The following GFOD1 variants were observed in gnomAD, a reference collection of about 807,000 sequenced individuals.
GFOD1 encodes the protein glucose-fructose oxidoreductase domain-containing protein 1.
GFOD1 carries 9 observed loss-of-function variants against 25.4 expected under a neutral mutation model. That is an observed-to-expected ratio of 0.35 (90% CI 0.21 to 0.62). The LOEUF is 0.62. Ranked by LOEUF, GFOD1 falls within the 20% of genes least tolerant of loss-of-function variation. The probability of loss-of-function intolerance (pLI) is 0.72; values close to 1 mark genes in which losing one functional copy is unlikely to be tolerated. For synonymous variants in GFOD1, 253 were observed against 245.6 expected (o/e 1.03, Z -0.28); for missense variants, 403 against 556.9 (o/e 0.72, Z 2.78).
At chr6:13,466,620 G>A (rs1009588637) in intron 1 of GFOD1, among the ~76,000 whole-genome samples, 15 of 152,324 alleles carry the variant, frequency 9.8e-5, no homozygotes, top group African/African-American at 3.4e-4. Context: ...AGTTGCTTGG[G>A]ATGGATAATA....
intron 1 of GFOD1, among the ~76,000 whole-genome samples, chr6:13,377,017 T>C (rs955674009): frequency 6.7e-6 from 1 of 148,390 alleles, no homozygotes; most frequent in African/African-American, 2.6e-5. Flanking sequence ...CCAGCAGATA[T>C]GTTTTTTTTT....
chr6:13,379,538 A>T (rs1785318097), intron 1 of GFOD1, among the ~76,000 whole-genome samples: 1 of 152,112 alleles, frequency 6.6e-6, no homozygotes, highest in Non-Finnish European at 1.5e-5. Flanking sequence ...CACCACTGCA[A>T]GCAACCGACT....
In GFOD1 at chr6:13,360,997, T is replaced by G. The variant is rs937698348; in HGVS notation, c.*3746A>C. ...CTCTTACTGCCTCCATTTTCTCATG[T>G]GTATAAAAGAAATAGCAATACCCAA... is the stretch of plus-strand genomic sequence containing the variant. On this transcript the variant is annotated 3_prime_UTR_variant, in exon 2 of 2. Transcript: ENST00000379287. 4 of 384,452 alleles carry G rather than the reference T, an allele frequency of 1.0e-5. No homozygotes were observed. Among genetic ancestry groups the G allele is most frequent in the African/African-American group, 6.3e-5 (3 of 47,800 alleles). 23.8% of individuals were successfully genotyped at this position (384,452 alleles called of 1,614,324 possible).
intron 1 of GFOD1, among the ~76,000 whole-genome samples, chr6:13,415,641 C>A (rs1786151274): frequency 1.3e-5 from 2 of 152,194 alleles, no homozygotes; most frequent in South Asian, 2.1e-4. Context: ...TGACAGCAGA[C>A]CTTCTATGTG....
chr6:13,379,480 G>A (rs568193922), intron 1 of GFOD1, among the ~76,000 whole-genome samples: 1 of 152,248 alleles, frequency 6.6e-6, no homozygotes, highest in Non-Finnish European at 1.5e-5. Flanking sequence ...TAGTTTCTAG[G>A]GCTGTGATGC....
At chr6:13,427,883 G>A (rs1051980688) in intron 1 of GFOD1, among the ~76,000 whole-genome samples, 1 of 152,136 alleles carries the variant, frequency 6.6e-6, no homozygotes, top group African/African-American at 2.4e-5. Flanking sequence ...ACACCAGGCT[G>A]AGCCTCGTGA....
At chr6:13,379,024 A>G (rs1785308909) in intron 1 of GFOD1, among the ~76,000 whole-genome samples, 1 of 152,168 alleles carries the variant, frequency 6.6e-6, no homozygotes, top group East Asian at 1.9e-4. Flanking sequence ...CCAGGGCTCC[A>G]CCCACAGCAG....
chr6:13,434,308 G>T (rs1039842272), intron 1 of GFOD1, among the ~76,000 whole-genome samples: 1 of 149,300 alleles, frequency 6.7e-6, no homozygotes, highest in African/African-American at 2.5e-5. Flanking sequence ...TGGGAACACA[G>T]AAATCAAGTG....
intron 1 of GFOD1, among the ~76,000 whole-genome samples, chr6:13,441,634 A>G (rs374751361): frequency 2.6e-5 from 4 of 152,216 alleles, no homozygotes; most frequent in Non-Finnish European, 5.9e-5. Context: ...TATTGAGTAT[A>G]TTGTATTGGT....
chr6:13,391,725 G>T (rs1466915484), intron 1 of GFOD1, among the ~76,000 whole-genome samples: 9 of 152,166 alleles, frequency 5.9e-5, no homozygotes, highest in Non-Finnish European at 1.0e-4. Context: ...CACGTATCTG[G>T]ACAAGTAACT....
chr6:13,421,286 G>C (rs1358185126), intron 1 of GFOD1, among the ~76,000 whole-genome samples: 1 of 152,072 alleles, frequency 6.6e-6, no homozygotes, highest in Admixed American at 6.5e-5. Flanking sequence ...CCAGGAGTTT[G>C]AGACCAGCCT....
At chr6:13,397,823 C>T (rs1483694698) in intron 1 of GFOD1, among the ~76,000 whole-genome samples, 1 of 152,200 alleles carries the variant, frequency 6.6e-6, no homozygotes, top group Non-Finnish European at 1.5e-5. Flanking sequence ...AGGGGCAAAC[C>T]TTTGCAAATG....
At chr6:13,382,808 C>T (rs1785393364) in intron 1 of GFOD1, among the ~76,000 whole-genome samples, 1 of 152,150 alleles carries the variant, frequency 6.6e-6, no homozygotes, top group African/African-American at 2.4e-5. Flanking sequence ...TTTCCTAATG[C>T]TCTCCCTCCC....
At chr6:13,451,851 G>C (rs1758104171) in intron 1 of GFOD1, among the ~76,000 whole-genome samples, 1 of 152,156 alleles carries the variant, frequency 6.6e-6, no homozygotes, top group Non-Finnish European at 1.5e-5. Flanking sequence ...TCCATGTCAT[G>C]TTTTCTTTGA....
chr6:13,395,658 A>C (rs1337356175), intron 1 of GFOD1, among the ~76,000 whole-genome samples: 2 of 152,256 alleles, frequency 1.3e-5, no homozygotes, highest in African/African-American at 4.8e-5. Context: ...TATGTAAAGC[A>C]ACTGGCTGCC....
intron 1 of GFOD1, among the ~76,000 whole-genome samples, chr6:13,434,677 G>A (rs1757806397): frequency 6.6e-6 from 1 of 152,208 alleles, no homozygotes; most frequent in Non-Finnish European, 1.5e-5. Flanking sequence ...GAACTGGAAG[G>A]AGAAGTAGAC....
chr6:13,451,302 C>A (rs894653850), intron 1 of GFOD1, among the ~76,000 whole-genome samples: 1 of 152,162 alleles, frequency 6.6e-6, no homozygotes, highest in Non-Finnish European at 1.5e-5. Context: ...GGCCTTCATC[C>A]ACGGCCCTCA....
At chr6:13,366,322 A>T (rs543144499) in intron 1 of GFOD1, among the ~76,000 whole-genome samples, 27 of 152,116 alleles carry the variant, frequency 1.8e-4, no homozygotes, top group Admixed American at 1.8e-3. Context: ...CTAAGACAGT[A>T]GGTGCCACCA....
At position 13,487,409 on chromosome 6, in the gene GFOD1, C is replaced by A. The variant is rs1479570280; in HGVS notation, c.-519G>T. On this transcript the variant is annotated 5_prime_UTR_variant, in exon 1 of 2. Transcript: ENST00000379287. This position sits in a 1 kb window ranked among gnomAD's most constrained non-coding sequence, Gnocchi z 4.9. The stretch of plus-strand genomic sequence containing the variant: ...GGGAGTCTCCTTTCTTCCTAGCTCT[C>A]CGTTGGGAATGAAATAATCCCGCGG... The A allele has an allele frequency of 6.6e-6, 1 of 152,668 alleles. No individual in the cohort carries two copies. The highest frequency in any genetic ancestry group is 2.4e-5 in the African/African-American group (1 of 41,452). 9.5% of individuals were successfully genotyped at this position (152,668 alleles called of 1,614,324 possible). A position where few individuals can be genotyped will look rare whatever the true frequency, so the allele number is the denominator to read the frequency against.
Sources: gnomAD v4.1 joint callset for allele counts (sites outside exome capture counted in the v4.1 genomes callset) on GRCh38, gnomAD v4.1.1 for gene constraint, Gnocchi (gnomAD v3.1) non-coding constraint, MANE v1.5 for transcripts, NCBI Gene and HGNC (gene_info 2026-07-23, HGNC 2026-07-21) for gene names.